The following BCAS3 variants were observed in gnomAD, a reference collection of about 807,000 sequenced individuals.
BCAS3 encodes the protein BCAS4/BCAS3 fusion.
BCAS3 carries 53 observed loss-of-function variants against 116.1 expected under a neutral mutation model. The ratio of observed to expected loss-of-function variants is 0.46; its 90% confidence interval spans 0.37 to 0.57. The LOEUF is 0.57. Ranked by LOEUF, BCAS3 falls within the 20% of genes least tolerant of loss-of-function variation. BCAS3 has a pLI of 0.00. For synonymous variants in BCAS3, 391 were observed against 408.2 expected, an observed-to-expected ratio of 0.96 and a Z score of 0.51; for missense variants, 917 against 1,165.4, an observed-to-expected ratio of 0.79 and a Z score of 3.10.
rs566265280 is a variant in BCAS3, at chr17:61,129,280, T to TTTG, written c.2425+44731_2425+44733dup. Among the ~76,000 whole-genome samples the TTTG allele has an allele frequency of 2.6e-3, 403 of 152,338 alleles. 1 individual carries two copies. The highest frequency in any genetic ancestry group is 8.9e-3 in the African/African-American group (372 of 41,568). ...TAGAGGAACATAATTAATGAATTTC[T>TTTG]TTGTTGTTGTTGTTGTTTGTTTGTA... On this transcript the variant is annotated intron_variant, in intron 22 of 23. Transcript: ENST00000407086.
chr17:61,362,090 C>T lies in BCAS3; in HGVS notation c.2426-6237C>T, dbSNP rs1397101327. ...AGTTGATACATGAAATTGACCATTG[C>T]ACCAAGAAGAGCTAATGTCCTCAGC... On this transcript the variant is annotated intron_variant, in intron 22 of 23. Coordinates refer to ENST00000407086, the MANE Select transcript of BCAS3 (RefSeq NM_017679.5). The surrounding 1 kb of genome is among the most constrained non-coding windows in gnomAD (Gnocchi z 4.4). 6.6e-6 allele frequency among the ~76,000 whole-genome samples: 1 copy of T among 152,162 alleles called. No individual in the cohort carries two copies. Among genetic ancestry groups the T allele is most frequent in the Non-Finnish European group, 1.5e-5 (1 of 68,034 alleles).
In BCAS3 at chr17:61,111,278, G is replaced by A. The variant is rs566830968; in HGVS notation, c.2425+26714G>A. Among the ~76,000 whole-genome samples the A allele has an allele frequency of 9.9e-4, 150 of 152,066 alleles. No individual in the cohort carries two copies. The East Asian group carries it at 0.01, about 10-fold the overall frequency. On this transcript the variant is annotated intron_variant, in intron 22 of 23. Transcript: ENST00000407086. ...TGAGAGAAGAAGGCTTCAGACGATC[G>A]AATTACTCTGAGCTACGGGAGGACA... is the stretch of plus-strand genomic sequence containing the variant.
At chr17:61,299,455 A>G (rs977795850) in intron 22 of BCAS3, among the ~76,000 whole-genome samples, 6 of 149,412 alleles carry the variant, frequency 4.0e-5, no homozygotes, top group Admixed American at 3.3e-4. Flanking sequence ...AAAAAAAAAA[A>G]AAAAAAAAAA....
intron 22 of BCAS3, among the ~76,000 whole-genome samples, chr17:61,308,521 G>A (rs774533099): frequency 2.0e-5 from 3 of 151,778 alleles, no homozygotes; most frequent in Non-Finnish European, 2.9e-5. Flanking sequence ...TAAAAAAGCA[G>A]GAGTCATACA....
At chr17:61,277,262 C>CA (rs58849968) in intron 22 of BCAS3, among the ~76,000 whole-genome samples, 78,642 of 101,572 alleles carry the variant, frequency 0.77, 32,040 homozygotes, top group East Asian at 0.9. Flanking sequence ...GACCCTGTAT[C>CA]AAAAAAAAAA....
At chr17:61,236,377 C>T (rs552159631) in intron 22 of BCAS3, among the ~76,000 whole-genome samples, 3 of 152,106 alleles carry the variant, frequency 2.0e-5, no homozygotes, top group African/African-American at 7.2e-5. Flanking sequence ...TGGAGTGCAG[C>T]GGTGTGATCT....
chr17:61,255,270 T>C lies in BCAS3; in HGVS notation c.2426-113057T>C, dbSNP rs377311838. On this transcript the variant is annotated intron_variant, in intron 22 of 23. Coordinates refer to ENST00000407086, the MANE Select transcript of BCAS3 (RefSeq NM_017679.5). ...TCTCCCAGCTAATCTCATTCCCAGTTGCCAAAGAAAAGATCTCAAGCATAA... is the reference window on the plus strand; with the variant it reads ...TCTCCCAGCTAATCTCATTCCCAGTCGCCAAAGAAAAGATCTCAAGCATAA... Among the ~76,000 whole-genome samples, 82 of 152,334 alleles carry C rather than the reference T, an allele frequency of 5.4e-4. No individual in the cohort carries two copies. The South Asian group carries it at 0.017, about 31-fold the overall frequency.
chr17:60,859,060 A>G (rs1415998116), intron 7 of BCAS3, among the ~76,000 whole-genome samples: 2 of 152,116 alleles, frequency 1.3e-5, no homozygotes, highest in African/African-American at 2.4e-5. Flanking sequence ...CTTAGCCCAC[A>G]TTATAATGTT....
chr17:61,380,402 C>A lies in BCAS3; in HGVS notation c.2594-11575C>A. ...ACACCCCCGCAAAGCTCTCAGTGGTCAAACCAGATTTGGGTATCGACTCAC... is the reference window on the plus strand; with the variant it reads ...ACACCCCCGCAAAGCTCTCAGTGGTAAAACCAGATTTGGGTATCGACTCAC... On this transcript the variant is annotated intron_variant, in intron 23 of 23. Transcript: ENST00000407086. The surrounding 1 kb of genome is among the most constrained non-coding windows in gnomAD (Gnocchi z 4.2). 1 of 1,102,534 alleles carries A rather than the reference C, an allele frequency of 9.1e-7. No individual in the cohort carries two copies. The highest frequency in any genetic ancestry group is 1.3e-5 in the South Asian group (1 of 74,670). 68.3% of individuals were successfully genotyped at this position (1,102,534 alleles called of 1,614,324 possible).
intron 15 of BCAS3, among the ~76,000 whole-genome samples, chr17:60,991,402 T>G (rs1227186427): frequency 1.3e-5 from 2 of 152,228 alleles, no homozygotes; most frequent in African/African-American, 4.8e-5. Flanking sequence ...TACTAATTTT[T>G]GAGTGGAAAT....
chr17:61,120,873 ACT>A (rs2075754711), intron 22 of BCAS3, among the ~76,000 whole-genome samples: 1 of 151,988 alleles, frequency 6.6e-6, no homozygotes, highest in African/African-American at 2.4e-5. Context: ...ATTTCATAAG[ACT>A]CTTTTAATAT....
chr17:60,744,057 A>G (rs1026663984), intron 5 of BCAS3, among the ~76,000 whole-genome samples: 6 of 152,222 alleles, frequency 3.9e-5, no homozygotes, highest in African/African-American at 1.4e-4. Context: ...ATCAGAAATT[A>G]AAATGCCAGT....
chr17:60,691,597 A>G (rs915149596), intron 4 of BCAS3, among the ~76,000 whole-genome samples: 1 of 151,664 alleles, frequency 6.6e-6, no homozygotes, highest in African/African-American at 2.4e-5. Flanking sequence ...TTGTTTGTTT[A>G]TTTAGTTTTA....
At chr17:60,921,626 A>AC in intron 12 of BCAS3, among the ~76,000 whole-genome samples, 1 of 151,244 alleles carries the variant, frequency 6.6e-6, no homozygotes, top group East Asian at 1.9e-4. Context: ...AAAAAAAAAA[A>AC]AAAAAAAAAA....
intron 7 of BCAS3, among the ~76,000 whole-genome samples, chr17:60,827,385 T>C (rs34647679): frequency 2.6e-5 from 4 of 152,214 alleles, no homozygotes; most frequent in Non-Finnish European, 5.9e-5. Flanking sequence ...CCTCTATGAC[T>C]GTTCGAGAAA....
chr17:61,174,269 ACTC>A (rs2079015255), intron 22 of BCAS3, among the ~76,000 whole-genome samples: 1 of 152,092 alleles, frequency 6.6e-6, no homozygotes, highest in African/African-American at 2.4e-5. Flanking sequence ...CAAGAGACTT[ACTC>A]CTCCTTACTA....
chr17:61,218,545 G>A (rs956420269), intron 22 of BCAS3, among the ~76,000 whole-genome samples: 3 of 152,182 alleles, frequency 2.0e-5, no homozygotes, highest in African/African-American at 7.2e-5. Flanking sequence ...CTCACCAAGA[G>A]GCACAGGGAT....
In BCAS3 at chr17:61,368,302, G is replaced by A. The variant is rs1481537524; in HGVS notation, c.2426-25G>A. 8 of 1,568,318 alleles carry A rather than the reference G, an allele frequency of 5.1e-6. No individual in the cohort carries two copies. Among genetic ancestry groups the A allele is most frequent in the African/African-American group, 1.3e-5 (1 of 74,266 alleles). On this transcript the variant is annotated intron_variant, in intron 22 of 23. Coordinates refer to ENST00000407086, the MANE Select transcript of BCAS3 (RefSeq NM_017679.5). The surrounding 1 kb of genome is among the most constrained non-coding windows in gnomAD (Gnocchi z 6.0). Reference sequence around the variant, plus strand: ...TGCTCCCTGAAGGTGTGGACTCAACGTCAGATGTCCCGTGTGTGCCACAGG... The same window carrying A: ...TGCTCCCTGAAGGTGTGGACTCAACATCAGATGTCCCGTGTGTGCCACAGG...
intron 19 of BCAS3, among the ~76,000 whole-genome samples, chr17:61,057,319 CA>C (rs1224228486): frequency 2.0e-5 from 3 of 152,252 alleles, no homozygotes; most frequent in Non-Finnish European, 4.4e-5. Context: ...TCTATTTGTC[CA>C]TCTTGTGCTT....
Sources: gnomAD v4.1 joint callset for allele counts (sites outside exome capture counted in the v4.1 genomes callset) on GRCh38, gnomAD v4.1.1 for gene constraint, Gnocchi (gnomAD v3.1) non-coding constraint, MANE v1.5 for transcripts, NCBI Gene and HGNC (gene_info 2026-07-23, HGNC 2026-07-21) for gene names.